Variants in CASQ1 observed in about 807,000 individuals in gnomAD.
CASQ1 encodes calsequestrin-1.
Under a neutral mutation model 49.5 loss-of-function variants are expected in CASQ1, and 40 were observed. The observed-to-expected ratio is 0.81, with a 90% confidence interval of 0.63 to 1.05. CASQ1 has a LOEUF of 1.05. Ranked by LOEUF, CASQ1 falls within the 50% of genes least tolerant of loss-of-function variation. The probability of loss-of-function intolerance (pLI) is 0.00; values close to 1 mark genes in which losing one functional copy is unlikely to be tolerated. For missense variants in CASQ1, 469 were observed against 486.9 expected, an observed-to-expected ratio of 0.96 and a Z score of 0.35; for synonymous variants, 174 against 187.2, an observed-to-expected ratio of 0.93 and a Z score of 0.58.
chr1:160,191,824 T>C (rs1307893254), intron 1 of CASQ1, among the ~76,000 whole-genome samples: 2 of 118,230 alleles, frequency 1.7e-5, no homozygotes, highest in African/African-American at 8.2e-5. Context: ...TCCAAGCTCC[T>C]GTGGCCCCTT....
Position 160,190,695 on chromosome 1 carries a change from C to T in CASQ1, c.-57C>T, listed in dbSNP as rs568240730. On this transcript the variant is annotated 5_prime_UTR_variant, in exon 1 of 11. Transcript: ENST00000368078. ...AGAATCTGGGACCCAGGGGCCCCTCCCTACCCCAGCTAACCTCTTCTGGAC... is the reference window on the plus strand; with the variant it reads ...AGAATCTGGGACCCAGGGGCCCCTCTCTACCCCAGCTAACCTCTTCTGGAC... 1.9e-5 allele frequency: 30 copies of T among 1,563,472 alleles called. No individual in the cohort carries two copies. The highest frequency in any genetic ancestry group is 3.6e-5 in the Admixed American group (2 of 55,934).
intron 6 of CASQ1, among the ~76,000 whole-genome samples, chr1:160,196,477 CTTTTT>C (rs112705179): frequency 6.9e-6 from 1 of 144,358 alleles, no homozygotes; most frequent in Non-Finnish European, 1.5e-5. Flanking sequence ...TCTTCTTCTT[CTTTTT>C]TTTTTTTTCT....
chr1:160,197,575 C>T lies in CASQ1; in HGVS notation c.789C>T (p.Thr263=). The T allele has an allele frequency of 6.2e-7, 1 of 1,611,026 alleles. No homozygotes were observed. Among genetic ancestry groups the T allele is most frequent in the Admixed American group, 1.7e-5 (1 of 60,016 alleles). The change falls in exon 7 of 11, where the codon ACC becomes ACT. Residue 263 remains threonine (T), a synonymous_variant. Coordinates refer to ENST00000368078, the MANE Select transcript of CASQ1 (RefSeq NM_001231.5). The part of the protein sequence containing the change: ...VNFVEEHRRS[T]LRKLKPESMY... Reference sequence around the variant, plus strand: ...CTCTGTCTGTCTCTTCTAGATCAACCCTGAGGAAACTGAAGCCGGAGAGTA... The same window carrying T: ...CTCTGTCTGTCTCTTCTAGATCAACTCTGAGGAAACTGAAGCCGGAGAGTA...
intron 1 of CASQ1, 35 bp from the exon 2 acceptor site, chr1:160,192,767 C>G (rs371614302): frequency 6.3e-7 from 1 of 1,585,942 alleles, no homozygotes; most frequent in African/African-American, 1.3e-5. Context: ...ATAAAAATTC[C>G]AGGGGCTAAT....
At chr1:160,193,197 C>T (rs115808708) in intron 2 of CASQ1, among the ~76,000 whole-genome samples, 2,465 of 152,096 alleles carry the variant, frequency 0.016, 49 homozygotes, top group African/African-American at 0.047. Flanking sequence ...GCGGGGCTGG[C>T]CAGACCTCTG....
intron 1 of CASQ1, 100 bp downstream of exon 1, chr1:160,191,130 T>G (rs1654066663): frequency 1.5e-6 from 2 of 1,294,432 alleles, no homozygotes; most frequent in Non-Finnish European, 2.1e-6. Flanking sequence ...GATCTGGGGG[T>G]GAGGGGCAGT....
chr1:160,198,771 G>A (rs1050202491), intron 8 of CASQ1, 40 bp downstream of exon 8: 4 of 1,575,166 alleles, frequency 2.5e-6, no homozygotes, highest in East Asian at 2.2e-5. Context: ...GGGAAGGCAG[G>A]GGGAGGTGGG....
At chr1:160,196,365 T>C (rs933385519) in intron 6 of CASQ1, among the ~76,000 whole-genome samples, 3 of 152,236 alleles carry the variant, frequency 2.0e-5, no homozygotes, top group Non-Finnish European at 4.4e-5. Context: ...TCTATGATTA[T>C]ATTAAGTCCT....
chr1:160,198,846 T>C (rs1654303770), intron 8 of CASQ1, 107 bp from the exon 9 acceptor site: 2 of 1,209,718 alleles, frequency 1.7e-6, no homozygotes, highest in Non-Finnish European at 2.5e-6. Context: ...AGCCTAGGGC[T>C]AGACATGTGA....
rs760098501 is a variant in CASQ1, at chr1:160,201,334, C to T, written c.1149C>T (p.Gly383=). ...ACTGGCTGGAGGATGTCCTGGAGGG[C>T]GAGATCAACACAGAGGACGATGACG... is the stretch of plus-strand genomic sequence containing the variant. ...LEDWLEDVLE[G]EINTEDDDDD... is the part of the protein sequence containing the mutation. Residue 383 remains glycine, a synonymous_variant, in exon 11 of 11, where the codon GGC becomes GGT. Coordinates refer to ENST00000368078, the MANE Select transcript of CASQ1 (RefSeq NM_001231.5). 4.3e-6 allele frequency: 7 copies of T among 1,609,332 alleles called. No homozygotes were observed. The highest frequency in any genetic ancestry group is 1.4e-5 in the African/African-American group (1 of 73,360).
intron 10 of CASQ1, 91 bp downstream of exon 10, chr1:160,200,016 C>T: frequency 1.1e-6 from 1 of 878,006 alleles, no homozygotes; most frequent in South Asian, 1.4e-5. Flanking sequence ...GGAGTTGGGC[C>T]CTTCTCACAG....
Position 160,195,080 on chromosome 1 carries a change from T to C in CASQ1, c.534T>C (p.Asp178=), listed in dbSNP as rs2101674244. The C allele has an allele frequency of 6.2e-7, 1 of 1,613,102 alleles. No individual in the cohort carries two copies. The highest frequency in any genetic ancestry group is 1.1e-5 in the South Asian group (1 of 91,040). The change falls in exon 4 of 11, where the codon GAT becomes GAC. Residue 178 remains aspartate, a synonymous_variant. Transcript: ENST00000368078. ...RELQAFENIE[D]EIKLIGYFKS... is the part of the protein sequence containing the mutation. ...TGCAGGCGTTTGAGAATATTGAGGA[T>C]GAGATCAAACTCATTGGCTACTTCA...
chr1:160,190,861 G>A lies in CASQ1; in HGVS notation c.110G>A (p.Gly37Glu), dbSNP rs1294869376. The change falls in exon 1 of 11, where the codon GGG becomes GAG. Residue 37 changes from glycine to glutamate, a missense_variant. By Grantham distance (98) the Gly-to-Glu change is moderately conservative (BLOSUM62 -2). Coordinates refer to ENST00000368078, the MANE Select transcript of CASQ1 (RefSeq NM_001231.5). ...TPKSGVQGQE[G>E]LDFPEYDGVD... ...AAGTCAGGGGTACAGGGGCAGGAAG[G>A]GCTGGACTTCCCTGAGTACGATGGT... 2.5e-6 allele frequency: 4 copies of A among 1,614,194 alleles called. No individual in the cohort carries two copies. The highest frequency in any genetic ancestry group is 3.4e-6 in the Non-Finnish European group (4 of 1,180,030).
At chr1:160,197,666 G>T in intron 7 of CASQ1, 52 bp downstream of exon 7, 1 of 1,299,486 alleles carries the variant, frequency 7.7e-7, no homozygotes, top group Non-Finnish European at 1.1e-6. Context: ...GGTGCCAGAA[G>T]ACTCAAGTCC....
In CASQ1 at chr1:160,201,227, G is replaced by T; in HGVS notation, c.1060-18G>T. On this transcript the variant is annotated intron_variant, in intron 10 of 10. Transcript: ENST00000368078. ...CGGGTTGGACTTAGCTTCCGTCCCT[G>T]CCTGTGCCATCTCCTAGGCGGATAG... 1 of 1,610,258 alleles carries T rather than the reference G, an allele frequency of 6.2e-7. No homozygotes were observed. The highest frequency in any genetic ancestry group is 2.2e-5 in the East Asian group (1 of 44,780).
At position 160,198,968 on chromosome 1, in the gene CASQ1, T is replaced by TA; in HGVS notation, c.900dup (p.Glu301ArgfsTer10). The TA allele has an allele frequency of 1.2e-6, 2 of 1,611,098 alleles. No individual in the cohort carries two copies. The highest frequency in any genetic ancestry group is 1.7e-6 in the Non-Finnish European group (2 of 1,177,208). ...TCCCTCCAAGATGGTTTCGAGTTCTTAGAGACTCTCAAGGCTGTGGCCCAA... is the reference window on the plus strand; with the variant it reads ...TCCCTCCAAGATGGTTTCGAGTTCTTAAGAGACTCTCAAGGCTGTGGCCCAA... On this transcript the variant is annotated frameshift_variant, in exon 9 of 11. Transcript: ENST00000368078. LOFTEE classifies it high-confidence loss of function.
intron 5 of CASQ1, 35 bp from the exon 6 acceptor site, chr1:160,195,862 C>T (rs776080055): frequency 1.2e-6 from 2 of 1,609,270 alleles, no homozygotes; most frequent in East Asian, 2.2e-5. Flanking sequence ...CCCTGTGTCT[C>T]CTGCTCCACT....
In CASQ1 at chr1:160,197,655, GGGT is replaced by G. The variant is rs1002440800; in HGVS notation, c.828+43_828+45del. On this transcript the variant is annotated intron_variant, in intron 7 of 10. Coordinates refer to ENST00000368078, the MANE Select transcript of CASQ1 (RefSeq NM_001231.5). Reference sequence around the variant, plus strand: ...CAGGGTCAAGCCCTCAGGGAAGCATGGGTGCCAGAAGACTCAAGTCCTAGAAAA... The same window carrying G: ...CAGGGTCAAGCCCTCAGGGAAGCATGGCCAGAAGACTCAAGTCCTAGAAAA... 5.6e-6 allele frequency: 8 copies of G among 1,423,024 alleles called. No homozygotes were observed. In the African/African-American group the frequency reaches 7.0e-5, roughly 13 times the overall value. The allele number at this position is 1,423,024 out of a possible 1,614,324, so 88.1% of individuals were successfully genotyped here.
At chr1:160,195,150 C>T in intron 4 of CASQ1, 27 bp downstream of exon 4, 1 of 1,410,972 alleles carries the variant, frequency 7.1e-7, no homozygotes, top group African/African-American at 1.4e-5. Context: ...CTCCACTGTG[C>T]CCCTCTCTGG....
Sources: allele counts gnomAD v4.1 joint callset (sites outside exome capture counted in the v4.1 genomes callset), GRCh38; gene constraint gnomAD v4.1.1; transcripts MANE v1.5; gene names NCBI Gene and HGNC (gene_info 2026-07-23, HGNC 2026-07-21).